MS4A2: variants seen among roughly 807,000 people sequenced by gnomAD.
MS4A2 encodes the protein membrane spanning 4-domains A2, also known as high affinity immunoglobulin epsilon receptor subunit beta.
In MS4A2, 26 loss-of-function variants were observed where a neutral mutation model predicts 27.9. That is an observed-to-expected ratio of 0.93 (90% CI 0.68 to 1.29). MS4A2 has a LOEUF of 1.29. Among genes scored for constraint, MS4A2 ranks in the 50% most tolerant of loss-of-function variants. The probability of loss-of-function intolerance (pLI) is 0.00; values close to 1 mark genes in which losing one functional copy is unlikely to be tolerated. For missense variants in MS4A2, 284 were observed against 284.6 expected (o/e 1.00, Z 0.01); for synonymous variants, 110 against 98.8 (o/e 1.11, Z -0.67).
Position 60,093,746 on chromosome 11 carries a change from C to T in MS4A2, c.537+188C>T, listed in dbSNP as rs964133359. The T allele has an allele frequency of 5.9e-5, 54 of 916,512 alleles. 1 individual carries two copies. Among genetic ancestry groups the T allele is most frequent in the African/African-American group, 4.3e-4 (26 of 60,008 alleles). The allele number at this position is 916,512 out of a possible 1,614,324, so 56.8% of individuals were successfully genotyped here. ...CTCCCCTCAACCCAGGCAAATTCCT[C>T]GGGGTTAAAGTTATCTACTGCAAGT... is the stretch of plus-strand genomic sequence containing the variant. On this transcript the variant is annotated intron_variant, in intron 5 of 6. Coordinates refer to ENST00000278888, the MANE Select transcript of MS4A2 (RefSeq NM_000139.5).
At position 60,088,716 on chromosome 11, in the gene MS4A2, T is replaced by C. The variant is rs1266768020; in HGVS notation, c.-50T>C. ...ATGCAGTAAGAGGAAATCCACCAAG[T>C]CTCAATATAATAATATTCTTTATTC... On this transcript the variant is annotated 5_prime_UTR_variant, in exon 1 of 7. Transcript: ENST00000278888. 6.3e-7 allele frequency: 1 copy of C among 1,584,806 alleles called. No homozygotes were observed. The highest frequency in any genetic ancestry group is 2.3e-5 in the East Asian group (1 of 43,178).
In MS4A2 at chr11:60,093,497, T is replaced by A. The variant is rs777879302; in HGVS notation, c.476T>A (p.Ile159Asn). 2 of 1,614,190 alleles carry A rather than the reference T, an allele frequency of 1.2e-6. No individual in the cohort carries two copies. The highest frequency in any genetic ancestry group is 3.3e-5 in the Admixed American group (2 of 60,026). Residue 159 changes from isoleucine to asparagine, a missense_variant, in exon 5 of 7, where the codon ATC becomes AAC. Ile to Asn is a moderately radical substitution (Grantham distance 149). Coordinates refer to ENST00000278888, the MANE Select transcript of MS4A2 (RefSeq NM_000139.5). ...AACCTGAAGAAGAGCTTGGCCTATA[T>A]CCACATCCACAGTTGCCAGAAATTT... ...IINLKKSLAY[I>N]HIHSCQKFFE...
rs1855898549 is a variant in MS4A2, at chr11:60,098,026, G to A, written c.*2370G>A. On this transcript the variant is annotated 3_prime_UTR_variant, in exon 7 of 7. Transcript: ENST00000278888. ...AACCCTGGTTTACCAGGACCTCTAG[G>A]AGTGGATCCAATCTATATCTTTACA... 1 of 152,112 alleles carries A rather than the reference G, an allele frequency of 6.6e-6. No homozygotes were observed. The highest frequency in any genetic ancestry group is 2.1e-4 in the South Asian group (1 of 4,834). 9.4% of individuals were successfully genotyped at this position (152,112 alleles called of 1,614,324 possible).
intron 3 of MS4A2, 51 bp from the exon 4 acceptor site, chr11:60,092,741 C>G (rs1855788255): frequency 6.5e-7 from 1 of 1,528,928 alleles, no homozygotes; most frequent in South Asian, 1.1e-5. Flanking sequence ...AAAAAGGACA[C>G]ATTGAAAACA....
chr11:60,098,173 C>G lies in MS4A2; in HGVS notation c.*2517C>G, dbSNP rs562994974. On this transcript the variant is annotated 3_prime_UTR_variant, in exon 7 of 7. Coordinates refer to ENST00000278888, the MANE Select transcript of MS4A2 (RefSeq NM_000139.5). ...TTCTCAAGATCATTCTGAGAGTTGC[C>G]CCACCCTACCTGCCTTTTATAGTAT... 6.6e-6 allele frequency: 1 copy of G among 152,070 alleles called. No homozygotes were observed. The highest frequency in any genetic ancestry group is 1.5e-5 in the Non-Finnish European group (1 of 68,010). The allele number at this position is 152,070 out of a possible 1,614,324, so 9.4% of individuals were successfully genotyped here.
intron 6 of MS4A2, 30 bp downstream of exon 6, chr11:60,094,092 A>G: frequency 1.4e-6 from 2 of 1,462,032 alleles, no homozygotes; most frequent in Non-Finnish European, 1.9e-6. Flanking sequence ...AAAATCTTGA[A>G]TGACAGGTTA....
chr11:60,088,549 ACT>A (rs1463173274), upstream of MS4A2: 5 of 1,310,148 alleles, frequency 3.8e-6, no homozygotes, highest in Admixed American at 1.5e-4. Flanking sequence ...TATTTAGTAG[ACT>A]TCTTAATTTT....
rs1035969174 is a variant in MS4A2 at position 60,097,965 on chromosome 11, C to T, written c.*2309C>T. 1 of 152,228 alleles carries T rather than the reference C, an allele frequency of 6.6e-6. No individual in the cohort carries two copies. Among genetic ancestry groups the T allele is most frequent in the African/African-American group, 2.4e-5 (1 of 41,456 alleles). The allele number at this position is 152,228 out of a possible 1,614,324, so 9.4% of individuals were successfully genotyped here. ...GATCATCTGTAGGTATTAATCACAT[C>T]ACTTCCATGGCATGGATGTTCACAT... On this transcript the variant is annotated 3_prime_UTR_variant, in exon 7 of 7. Coordinates refer to ENST00000278888, the MANE Select transcript of MS4A2 (RefSeq NM_000139.5).
At chr11:60,095,021 G>T (rs957883993) in intron 6 of MS4A2, among the ~76,000 whole-genome samples, 1 of 151,652 alleles carries the variant, frequency 6.6e-6, no homozygotes, top group Non-Finnish European at 1.5e-5. Flanking sequence ...CAGCACATTG[G>T]GAGGCCAAAG....
upstream of MS4A2, chr11:60,088,639 A>T (rs1262112940): frequency 8.0e-5 from 123 of 1,531,754 alleles, no homozygotes; most frequent in Non-Finnish European, 1.0e-4. Flanking sequence ...CTTATGTATA[A>T]AGAGAATCAT....
chr11:60,095,497 C>A, intron 6 of MS4A2, 61 bp from the exon 7 acceptor site: 2 of 1,049,050 alleles, frequency 1.9e-6, no homozygotes, highest in Non-Finnish European at 3.0e-6. Flanking sequence ...GTCTCTTGAG[C>A]GAGACTTCTA....
In MS4A2 at chr11:60,093,575, G is replaced by A. The variant is rs1202089737; in HGVS notation, c.537+17G>A. 1 of 1,612,726 alleles carries A rather than the reference G, an allele frequency of 6.2e-7. No individual in the cohort carries two copies. The highest frequency in any genetic ancestry group is 8.5e-7 in the Non-Finnish European group (1 of 1,179,348). ...TTTTCCACTGTATGTATTTTTTTTT[G>A]TGTGGGAAGACTAAGATTCTGGGTC... is the stretch of plus-strand genomic sequence containing the variant. On this transcript the variant is annotated intron_variant, in intron 5 of 6. Coordinates refer to ENST00000278888, the MANE Select transcript of MS4A2 (RefSeq NM_000139.5).
chr11:60,091,395 A>C (rs1226940862), intron 3 of MS4A2, among the ~76,000 whole-genome samples: 5 of 152,184 alleles, frequency 3.3e-5, no homozygotes, highest in Non-Finnish European at 7.3e-5. Context: ...ATAAATTGCA[A>C]GTATTTCAGA....
intron 4 of MS4A2, 115 bp from the exon 5 acceptor site, chr11:60,093,285 A>G: frequency 1.4e-6 from 2 of 1,390,764 alleles, no homozygotes; most frequent in Non-Finnish European, 2.0e-6. Flanking sequence ...TTTTTAACCA[A>G]AATTTGGAAG....
intron 1 of MS4A2, among the ~76,000 whole-genome samples, chr11:60,089,360 GT>G (rs151280714): frequency 0.012 from 1,795 of 152,292 alleles, 42 homozygotes; most frequent in African/African-American, 0.041. Flanking sequence ...TAAAAGGATT[GT>G]GAGATGCATA....
chr11:60,090,304 G>T (rs778748591), intron 2 of MS4A2, 32 bp from the exon 3 acceptor site: 6 of 1,607,200 alleles, frequency 3.7e-6, no homozygotes, highest in South Asian at 3.3e-5. Flanking sequence ...AAATTTTTTT[G>T]ATTTTCATGA....
rs140645245 is a variant in MS4A2, at chr11:60,095,736, T to C, written c.*80T>C. On this transcript the variant is annotated 3_prime_UTR_variant, in exon 7 of 7. Coordinates refer to ENST00000278888, the MANE Select transcript of MS4A2 (RefSeq NM_000139.5). Reference sequence around the variant, plus strand: ...TCTTGTTAAGGGGCTACTGGAAAAATTTCTATTCTCTCCACAGCCTGCTGG... The same window carrying C: ...TCTTGTTAAGGGGCTACTGGAAAAACTTCTATTCTCTCCACAGCCTGCTGG... The C allele has an allele frequency of 3.1e-4, 275 of 892,648 alleles. 2 individuals carry two copies. The African/African-American group carries it at 3.8e-3, about 12-fold the overall frequency. 55.3% of individuals were successfully genotyped at this position (892,648 alleles called of 1,614,324 possible).
intron 6 of MS4A2, 102 bp from the exon 7 acceptor site, chr11:60,095,455 GA>G: frequency 1.3e-6 from 1 of 766,206 alleles, no homozygotes; most frequent in East Asian, 2.6e-5. Context: ...CAGAGAGCGT[GA>G]GACCCAGAAA....
At chr11:60,091,572 T>C (rs1048316285) in intron 3 of MS4A2, among the ~76,000 whole-genome samples, 2 of 152,200 alleles carry the variant, frequency 1.3e-5, no homozygotes, top group Non-Finnish European at 2.9e-5. Flanking sequence ...TTGATCTGCT[T>C]TCTGTGAATA....
Sources: gnomAD v4.1 joint callset for allele counts (sites outside exome capture counted in the v4.1 genomes callset) on GRCh38, gnomAD v4.1.1 for gene constraint, MANE v1.5 for transcripts, NCBI Gene and HGNC (gene_info 2026-07-23, HGNC 2026-07-21) for gene names.